Variants in FMN1 observed in about 807,000 individuals in gnomAD.
FMN1 encodes formin 1.
A neutral mutation model predicts 132.4 loss-of-function variants in FMN1; 110 were observed. That is an observed-to-expected ratio of 0.83 (90% CI 0.71 to 0.97). FMN1 has a LOEUF of 0.97. Ranked by LOEUF, FMN1 falls within the 50% of genes least tolerant of loss-of-function variation. The pLI is 0.00. For synonymous variants in FMN1, 722 were observed against 651.7 expected, an observed-to-expected ratio of 1.11 and a Z score of -1.64; for missense variants, 1,792 against 1,705.3, an observed-to-expected ratio of 1.05 and a Z score of -0.90.
At position 33,154,087 on chromosome 15, in the gene FMN1, T is replaced by G. The variant is rs1273035617; in HGVS notation, c.828A>C (p.Ala276=). The part of the protein sequence containing the change: ...VLPPDCSSTE[A]GGDGIRRPPS... ...GCGGCCTCCGAATGCCATCCCCTCC[T>G]GCCTCTGTGGAGCTGCAGTCAGGGG... Residue 276 remains alanine (A), a synonymous_variant, in exon 4 of 21, where the codon GCA becomes GCC. Coordinates refer to ENST00000616417, the MANE Select transcript of FMN1 (RefSeq NM_001277313.2). 10 of 1,536,136 alleles carry G rather than the reference T, an allele frequency of 6.5e-6. No homozygotes were observed. In the Admixed American group the frequency reaches 2.0e-4, roughly 30 times the overall value.
At chr15:33,105,395 G>T (rs777894724) in intron 4 of FMN1, among the ~76,000 whole-genome samples, 5 of 151,886 alleles carry the variant, frequency 3.3e-5, no homozygotes, top group Non-Finnish European at 5.9e-5. Context: ...AGGGGATTTG[G>T]TGGGGTATCA....
chr15:32,925,930 T>C (rs1483463399), intron 10 of FMN1, among the ~76,000 whole-genome samples: 3 of 152,182 alleles, frequency 2.0e-5, no homozygotes, highest in Non-Finnish European at 4.4e-5. Flanking sequence ...CCTTATTTTT[T>C]AGCAATAGTA....
rs75438895 is a variant in FMN1 at position 32,813,889 on chromosome 15, G to A, written c.3929-9557C>T. Among the ~76,000 whole-genome samples the A allele has an allele frequency of 5.6e-3, 846 of 152,188 alleles. 13 individuals carry two copies. The highest frequency in any genetic ancestry group is 0.02 in the African/African-American group (819 of 41,500). ...TGACTAATAATCTACATTTTCCAAC[G>A]CTCCCTGCTGCTTCCCAAGGGGCAG... is the stretch of plus-strand genomic sequence containing the variant. On this transcript the variant is annotated intron_variant, in intron 17 of 20. Transcript: ENST00000616417.
chr15:33,185,452 T>TAGAGAA (rs1965846620), intron 2 of FMN1, among the ~76,000 whole-genome samples: 1 of 152,072 alleles, frequency 6.6e-6, no homozygotes, highest in Non-Finnish European at 1.5e-5. Context: ...TGTGAAAATT[T>TAGAGAA]TAATTACCGT....
At position 32,765,584 on chromosome 15, in the gene FMN1, T is replaced by C. The variant is rs1357826935; in HGVS notation, c.*8726A>G. On this transcript the variant is annotated 3_prime_UTR_variant, in exon 21 of 21. Transcript: ENST00000616417. Reference sequence around the variant, plus strand: ...GATTTATTAAAATACCCTTAGCATATTTACAATTGAAAGCCATGAATGCAA... The same window carrying C: ...GATTTATTAAAATACCCTTAGCATACTTACAATTGAAAGCCATGAATGCAA... 2 of 152,158 alleles carry C rather than the reference T, an allele frequency of 1.3e-5. No individual in the cohort carries two copies. The highest frequency in any genetic ancestry group is 4.8e-5 in the African/African-American group (2 of 41,434). 9.4% of individuals were successfully genotyped at this position (152,158 alleles called of 1,614,324 possible).
chr15:33,095,200 T>G (rs1241229768), intron 4 of FMN1, among the ~76,000 whole-genome samples: 1 of 151,388 alleles, frequency 6.6e-6, no homozygotes, highest in African/African-American at 2.4e-5. Flanking sequence ...ATACAAAAAG[T>G]AACTGGGTGT....
chr15:32,854,927 A>C (rs934695473), intron 17 of FMN1, among the ~76,000 whole-genome samples: 1 of 150,932 alleles, frequency 6.6e-6, no homozygotes, highest in African/African-American at 2.4e-5. Context: ...AAAAAAAAAC[A>C]AAAAACAAAC....
At chr15:33,065,119 CGATT>C in intron 5 of FMN1, 45 bp from the exon 6 acceptor site, 1 of 1,282,846 alleles carries the variant, frequency 7.8e-7, no homozygotes, top group Non-Finnish European at 1.1e-6. Flanking sequence ...TAGTCAGAGC[CGATT>C]AATTCCTGAA....
chr15:33,029,747 G>A (rs895076008), intron 6 of FMN1, among the ~76,000 whole-genome samples: 16 of 152,172 alleles, frequency 1.1e-4, no homozygotes, highest in African/African-American at 3.6e-4. Context: ...GACAGACACA[G>A]AGAAAAAGAT....
intron 4 of FMN1, among the ~76,000 whole-genome samples, chr15:33,103,773 C>A (rs1407497184): frequency 1.3e-5 from 2 of 152,064 alleles, no homozygotes; most frequent in African/African-American, 2.4e-5. Flanking sequence ...GGTTTCTATT[C>A]TATTACACCT....
At chr15:32,973,584 C>CCA (rs936941599) in intron 7 of FMN1, among the ~76,000 whole-genome samples, 11 of 151,098 alleles carry the variant, frequency 7.3e-5, no homozygotes, top group Admixed American at 5.3e-4. Flanking sequence ...TCACCCCCCC[C>CCA]AAAAAAACAC....
At chr15:32,898,789 CAAT>C (rs775937607) in intron 15 of FMN1, 42 bp downstream of exon 15, 13 of 1,242,442 alleles carry the variant, frequency 1.0e-5, no homozygotes, top group Middle Eastern at 1.9e-4. Flanking sequence ...TGAATGTCAA[CAAT>C]GAGTAAGAGG....
At chr15:33,068,669 A>C (rs1199844740) in intron 5 of FMN1, among the ~76,000 whole-genome samples, 1 of 151,860 alleles carries the variant, frequency 6.6e-6, no homozygotes, top group African/African-American at 2.4e-5. Context: ...TGCAGGTTTC[A>C]TCTGGAATGC....
At chr15:32,818,714 T>C (rs2058123190) in intron 17 of FMN1, among the ~76,000 whole-genome samples, 2 of 152,256 alleles carry the variant, frequency 1.3e-5, no homozygotes, top group Non-Finnish European at 2.9e-5. Flanking sequence ...GCAAAAAATA[T>C]TGAGGATCAG....
rs184581483 is a variant in FMN1, at chr15:33,009,901, T to G, written c.2162-1826A>C. Reference sequence around the variant, plus strand: ...GGAGGAATCTTTTTTTTGTTTGTTTTTTTTGAGATGGAGTTTCACTCGTTT... The same window carrying G: ...GGAGGAATCTTTTTTTTGTTTGTTTGTTTTGAGATGGAGTTTCACTCGTTT... On this transcript the variant is annotated intron_variant, in intron 6 of 20. Coordinates refer to ENST00000616417, the MANE Select transcript of FMN1 (RefSeq NM_001277313.2). 3.5e-3 allele frequency among the ~76,000 whole-genome samples: 530 copies of G among 149,740 alleles called. 2 individuals carry two copies. Among genetic ancestry groups the G allele is most frequent in the African/African-American group, 0.012 (497 of 40,202 alleles).
intron 4 of FMN1, among the ~76,000 whole-genome samples, chr15:33,125,704 CAAAA>C (rs58963131): frequency 6.9e-6 from 1 of 144,328 alleles, no homozygotes; most frequent in East Asian, 2.0e-4. Context: ...TCAGGTGTCT[CAAAA>C]AAAAAAAAAA....
At chr15:32,974,298 G>C (rs976309859) in intron 7 of FMN1, among the ~76,000 whole-genome samples, 9 of 152,130 alleles carry the variant, frequency 5.9e-5, no homozygotes, top group African/African-American at 2.2e-4. Context: ...GCTGAGGTTT[G>C]ATATCTTTCC....
chr15:33,069,187 T>C (rs1566887553), intron 5 of FMN1, among the ~76,000 whole-genome samples: 1 of 152,226 alleles, frequency 6.6e-6, no homozygotes, highest in Non-Finnish European at 1.5e-5. Context: ...CAGCCCAGTG[T>C]AGTTTCTACC....
intron 9 of FMN1, among the ~76,000 whole-genome samples, chr15:32,950,024 T>TATACACATACAC (rs1473302918): frequency 9.5e-5 from 1 of 10,550 alleles, no homozygotes; most frequent in Non-Finnish European, 1.8e-4. Flanking sequence ...TACACATATA[T>TATACACATACAC]ATATATATAC....
Sources: gnomAD v4.1 joint callset for allele counts (sites outside exome capture counted in the v4.1 genomes callset) on GRCh38, gnomAD v4.1.1 for gene constraint, MANE v1.5 for transcripts, NCBI Gene and HGNC (gene_info 2026-07-23, HGNC 2026-07-21) for gene names.